PREX2: variants seen among roughly 807,000 people sequenced by gnomAD.
The protein encoded by PREX2 is phosphatidylinositol 3,4,5-trisphosphate-dependent Rac exchanger 2 protein.
In PREX2, 107 loss-of-function variants were observed where a neutral mutation model predicts 203.2. That is an observed-to-expected ratio of 0.53 (90% CI 0.45 to 0.62). The LOEUF is 0.62. Among genes scored for constraint, PREX2 ranks in the 20% least tolerant of loss-of-function variants. PREX2 has a pLI of 0.00. For synonymous variants in PREX2, 672 were observed against 663.6 expected (o/e 1.01, Z -0.19); for missense variants, 1,777 against 1,955.9 (o/e 0.91, Z 1.72).
chr8:68,122,556 G>T (rs1169481056), intron 30 of PREX2, among the ~76,000 whole-genome samples: 5 of 151,974 alleles, frequency 3.3e-5, no homozygotes, highest in African/African-American at 9.7e-5. Context: ...GACACTACTA[G>T]AAACTATAAT....
chr8:67,970,301 G>A (rs944615339), intron 1 of PREX2, among the ~76,000 whole-genome samples: 2 of 151,954 alleles, frequency 1.3e-5, no homozygotes, highest in South Asian at 2.1e-4. Flanking sequence ...TCAAACTACC[G>A]CCCCACACTA....
chr8:68,161,317 A>G (rs1811649837), intron 35 of PREX2, among the ~76,000 whole-genome samples: 1 of 151,742 alleles, frequency 6.6e-6, no homozygotes, highest in South Asian at 2.1e-4. Context: ...CTGGTCTCGA[A>G]CTCCTGACCT....
chr8:68,222,934 T>C (rs984762119), intron 38 of PREX2, among the ~76,000 whole-genome samples: 3 of 152,202 alleles, frequency 2.0e-5, no homozygotes, highest in African/African-American at 7.2e-5. Context: ...TGAGACATTC[T>C]GCAAAGTAAT....
intron 37 of PREX2, among the ~76,000 whole-genome samples, chr8:68,198,839 T>C (rs1176589415): frequency 6.6e-6 from 1 of 152,224 alleles, no homozygotes; most frequent in African/African-American, 2.4e-5. Flanking sequence ...TGTCTTCATA[T>C]TCTCTTCACT....
chr8:67,970,297 T>C (rs547447491), intron 1 of PREX2, among the ~76,000 whole-genome samples: 1 of 152,260 alleles, frequency 6.6e-6, no homozygotes, highest in South Asian at 2.1e-4. Flanking sequence ...ATCATCAAAC[T>C]ACCGCCCCAC....
intron 20 of PREX2, among the ~76,000 whole-genome samples, chr8:68,092,131 C>T (rs1358299145): frequency 6.6e-6 from 1 of 152,136 alleles, no homozygotes; most frequent in Non-Finnish European, 1.5e-5. Flanking sequence ...TTTCCAGTCT[C>T]TAACGGGGTT....
At chr8:68,105,169 C>T (rs1406087584) in intron 23 of PREX2, 3 of 1,367,820 alleles carry the variant, frequency 2.2e-6, no homozygotes, top group African/African-American at 1.5e-5. Flanking sequence ...TACAATTTCA[C>T]AGCACGGCAT....
intron 10 of PREX2, among the ~76,000 whole-genome samples, chr8:68,057,255 T>C (rs184010430): frequency 6.6e-6 from 1 of 152,260 alleles, no homozygotes; most frequent in Non-Finnish European, 1.5e-5. Flanking sequence ...TCTGCCATGA[T>C]TGTAAGTTTC....
At chr8:68,186,110 C>T (rs1330442034) in intron 35 of PREX2, among the ~76,000 whole-genome samples, 1 of 152,124 alleles carries the variant, frequency 6.6e-6, no homozygotes, top group Admixed American at 6.5e-5. Context: ...TACCTGTAAA[C>T]ATTATGATTG....
At chr8:67,990,068 C>T (rs1024068889) in intron 1 of PREX2, among the ~76,000 whole-genome samples, 1 of 152,048 alleles carries the variant, frequency 6.6e-6, no homozygotes, top group Non-Finnish European at 1.5e-5. Context: ...TCACTGCACC[C>T]TCTCCCTCCT....
At chr8:68,045,977 G>C (rs147793388) in intron 8 of PREX2, among the ~76,000 whole-genome samples, 1 of 152,116 alleles carries the variant, frequency 6.6e-6, no homozygotes, top group Non-Finnish European at 1.5e-5. Context: ...ATGTTCAAGA[G>C]ACTACCCAAA....
intron 37 of PREX2, among the ~76,000 whole-genome samples, chr8:68,196,194 T>C (rs1386350497): frequency 6.6e-6 from 1 of 151,934 alleles, no homozygotes; most frequent in East Asian, 1.9e-4. Flanking sequence ...TGCTATTAAA[T>C]AGTGGCAGAG....
intron 1 of PREX2, among the ~76,000 whole-genome samples, chr8:67,993,665 C>G (rs1387365148): frequency 6.6e-6 from 1 of 152,170 alleles, no homozygotes; most frequent in Non-Finnish European, 1.5e-5. Context: ...GCCTCGGCCT[C>G]CCAAAGTGCT....
At chr8:68,042,045 A>G (rs1173699511) in intron 7 of PREX2, among the ~76,000 whole-genome samples, 6 of 152,108 alleles carry the variant, frequency 3.9e-5, no homozygotes, top group Non-Finnish European at 8.8e-5. Flanking sequence ...ATTCCCTTCC[A>G]GGACTGGAGA....
intron 37 of PREX2, among the ~76,000 whole-genome samples, chr8:68,209,838 C>T (rs1159543678): frequency 1.3e-5 from 2 of 152,180 alleles, no homozygotes; most frequent in Non-Finnish European, 2.9e-5. Context: ...TACAGCTGAT[C>T]AAACTATTGT....
intron 6 of PREX2, 33 bp downstream of exon 6, chr8:68,030,691 G>T: frequency 6.2e-7 from 1 of 1,609,678 alleles, no homozygotes; most frequent in Non-Finnish European, 8.5e-7. Context: ...TCGAGCTTAA[G>T]ATAGTTTTAT....
chr8:68,164,870 C>T (rs2129614077), intron 35 of PREX2, among the ~76,000 whole-genome samples: 2 of 146,832 alleles, frequency 1.4e-5, no homozygotes, highest in South Asian at 4.3e-4. Context: ...GTGTGAGCCA[C>T]TGAGCCCGGC....
chr8:67,983,903 G>T (rs1806339066), intron 1 of PREX2, among the ~76,000 whole-genome samples: 1 of 152,148 alleles, frequency 6.6e-6, no homozygotes, highest in South Asian at 2.1e-4. Flanking sequence ...AGCATCATAG[G>T]GTTGCTGTGA....
chr8:68,193,381 T>A (rs1812334629), intron 37 of PREX2, among the ~76,000 whole-genome samples: 1 of 152,202 alleles, frequency 6.6e-6, no homozygotes, highest in African/African-American at 2.4e-5. Context: ...GTTACATAGG[T>A]ATACATGTGC....
Sources: gnomAD v4.1 joint callset for allele counts (sites outside exome capture counted in the v4.1 genomes callset) on GRCh38, gnomAD v4.1.1 for gene constraint, MANE v1.5 for transcripts, NCBI Gene and HGNC (gene_info 2026-07-23, HGNC 2026-07-21) for gene names.